Variants in INSYN2A observed in about 807,000 individuals in gnomAD.
INSYN2A encodes family with sequence similarity 196 member A.
In INSYN2A, 17 loss-of-function variants were observed where a neutral mutation model predicts 39.4. The observed-to-expected ratio is 0.43, with a 90% CI of 0.30 to 0.65. The LOEUF (loss-of-function observed/expected upper bound fraction) is 0.65, where lower values mean the gene tolerates loss of function less well. Among genes scored for constraint, INSYN2A ranks in the 30% least tolerant of loss-of-function variants. The pLI is 0.14. For synonymous variants in INSYN2A, 255 were observed against 265.7 expected (o/e 0.96, Z 0.39); for missense variants, 595 against 631.2 (o/e 0.94, Z 0.61).
At chr10:127,138,279 T>G (rs1203748310) in intron 5 of INSYN2A, among the ~76,000 whole-genome samples, 1 of 152,204 alleles carries the variant, frequency 6.6e-6, no homozygotes, top group Non-Finnish European at 1.5e-5. Flanking sequence ...AGTTGGTGTA[T>G]GTATTTGTGG....
At chr10:127,173,089 C>T (rs760266168) in intron 4 of INSYN2A, among the ~76,000 whole-genome samples, 5 of 152,246 alleles carry the variant, frequency 3.3e-5, no homozygotes, top group East Asian at 1.9e-4. Flanking sequence ...TCACATTGGA[C>T]GCCCACAAGA....
At chr10:127,146,587 T>C (rs1488818451) in intron 5 of INSYN2A, among the ~76,000 whole-genome samples, 1 of 152,170 alleles carries the variant, frequency 6.6e-6, no homozygotes, top group Non-Finnish European at 1.5e-5. Context: ...TAAGGTGTTA[T>C]CCAGGGATTC....
intron 4 of INSYN2A, among the ~76,000 whole-genome samples, chr10:127,169,065 G>A (rs931978940): frequency 1.3e-5 from 2 of 152,096 alleles, no homozygotes; most frequent in East Asian, 1.9e-4. Context: ...CTAGGTTAAC[G>A]CAAGTCACAT....
intron 1 of INSYN2A, among the ~76,000 whole-genome samples, chr10:127,194,977 GGTCCGGGCGGGA>G (rs143263543): frequency 0.15 from 22,277 of 152,124 alleles, 1,924 homozygotes; most frequent in African/African-American, 0.23. Flanking sequence ...GCAGGAGAGG[GGTCCGGGCGGGA>G]GCCCTGGGCT....
At chr10:127,154,293 C>T (rs1389465320) in intron 4 of INSYN2A, among the ~76,000 whole-genome samples, 1 of 152,212 alleles carries the variant, frequency 6.6e-6, no homozygotes, top group Non-Finnish European at 1.5e-5. Flanking sequence ...CTTATGTTTG[C>T]TCTACCCCAC....
rs2050781616 is a variant in INSYN2A at position 127,137,268 on chromosome 10, G to A, written c.*569C>T. 1 of 152,606 alleles carries A rather than the reference G, an allele frequency of 6.6e-6. No homozygotes were observed. The highest frequency in any genetic ancestry group is 2.1e-4 in the South Asian group (1 of 4,826). 9.5% of individuals were successfully genotyped at this position (152,606 alleles called of 1,614,324 possible). A position where few individuals can be genotyped will look rare whatever the true frequency, so the allele number is the denominator to read the frequency against. ...TTGGCTTAGCGCTATAGCACATGAA[G>A]GCAAATATACATATAGTCACATTTT... is the stretch of plus-strand genomic sequence containing the variant. On this transcript the variant is annotated 3_prime_UTR_variant, in exon 6 of 6. Coordinates refer to ENST00000522781, the MANE Select transcript of INSYN2A (RefSeq NM_001039762.3).
chr10:127,173,751 C>G (rs2054803673), intron 4 of INSYN2A, among the ~76,000 whole-genome samples: 1 of 152,110 alleles, frequency 6.6e-6, no homozygotes, highest in African/African-American at 2.4e-5. Context: ...CCACCCCACG[C>G]CTGATGAGTG....
rs76163415 is a variant in INSYN2A at position 127,169,022 on chromosome 10, G to C, written c.1184+6190C>G. Among the ~76,000 whole-genome samples the C allele has an allele frequency of 3.3e-3, 504 of 152,276 alleles. 3 individuals carry two copies. Among genetic ancestry groups the C allele is most frequent in the African/African-American group, 0.012 (486 of 41,564 alleles). The stretch of plus-strand genomic sequence containing the variant: ...AATATGAGGACATAAGATACAGCAA[G>C]TATATCATTTCTACCCATCTAGCAT... On this transcript the variant is annotated intron_variant, in intron 4 of 5. Transcript: ENST00000522781.
chr10:127,165,196 CCA>C (rs2053968440), intron 4 of INSYN2A, among the ~76,000 whole-genome samples: 1 of 152,142 alleles, frequency 6.6e-6, no homozygotes, highest in African/African-American at 2.4e-5. Flanking sequence ...TGGTAAATAT[CCA>C]CAGAGTCTTT....
chr10:127,193,231 A>G (rs2056874622), intron 1 of INSYN2A, among the ~76,000 whole-genome samples: 1 of 152,160 alleles, frequency 6.6e-6, no homozygotes, highest in Non-Finnish European at 1.5e-5. Context: ...TTTATGAAAG[A>G]CTGTTGAAAA....
chr10:127,176,018 G>T lies in INSYN2A; in HGVS notation c.378C>A (p.Asn126Lys), dbSNP rs367902185. The T allele has an allele frequency of 5.5e-5, 88 of 1,614,024 alleles. No individual in the cohort carries two copies. Among genetic ancestry groups the T allele is most frequent in the Non-Finnish European group, 7.1e-5 (84 of 1,180,048 alleles). ...QTFPLDRKKG[N>K]LKSLPAADPF... ...GATCTGCAGCTGGGAGGCTTTTGAG[G>T]TTCCCCTTTTTGCGGTCCAGAGGGA... The change falls in exon 4 of 6, where the codon AAC becomes AAA. Residue 126 changes from asparagine to lysine, a missense_variant. Asn to Lys is a moderately conservative substitution (Grantham distance 94, BLOSUM62 0). Coordinates refer to ENST00000522781, the MANE Select transcript of INSYN2A (RefSeq NM_001039762.3). The surrounding 1 kb of genome is among the most constrained non-coding windows in gnomAD (Gnocchi z 4.4).
At chr10:127,157,822 T>A (rs1257072576) in intron 4 of INSYN2A, among the ~76,000 whole-genome samples, 1 of 152,218 alleles carries the variant, frequency 6.6e-6, no homozygotes, top group African/African-American at 2.4e-5. Flanking sequence ...AGGAATCAGT[T>A]GTTTGGAGTC....
intron 5 of INSYN2A, among the ~76,000 whole-genome samples, chr10:127,148,896 G>A (rs967156395): frequency 1.3e-5 from 2 of 152,070 alleles, no homozygotes; most frequent in African/African-American, 2.4e-5. Flanking sequence ...CATCACAACC[G>A]AAGGGATGTC....
At chr10:127,184,243 T>C (rs900712836) in intron 2 of INSYN2A, among the ~76,000 whole-genome samples, 1 of 152,124 alleles carries the variant, frequency 6.6e-6, no homozygotes, top group Non-Finnish European at 1.5e-5. Flanking sequence ...ATCTCCAACT[T>C]AGTAGATTCT....
chr10:127,183,939 C>CT (rs1318073852), intron 2 of INSYN2A, among the ~76,000 whole-genome samples: 1 of 152,132 alleles, frequency 6.6e-6, no homozygotes, highest in Non-Finnish European at 1.5e-5. Context: ...TAAGTAGCTA[C>CT]TTTTTAAAAA....
intron 5 of INSYN2A, among the ~76,000 whole-genome samples, chr10:127,144,781 T>G (rs1341454694): frequency 6.6e-6 from 1 of 152,220 alleles, no homozygotes; most frequent in Non-Finnish European, 1.5e-5. Flanking sequence ...TAACTTTGTA[T>G]CCTTCCTTTA....
chr10:127,175,618 C>T lies in INSYN2A; in HGVS notation c.778G>A (p.Ala260Thr). ...GGCTCGGGGGCCCTGGCACTGAGGGCAGGTGCGTAAACGGTGGCAACCTCC... is the reference window on the plus strand; with the variant it reads ...GGCTCGGGGGCCCTGGCACTGAGGGTAGGTGCGTAAACGGTGGCAACCTCC... ...KTEVATVYAP[A>T]LSARAPEPGL... is the part of the protein sequence containing the mutation. Residue 260 changes from alanine to threonine, a missense_variant, in exon 4 of 6, where the codon GCC becomes ACC. Transcript: ENST00000522781. The surrounding 1 kb of genome is among the most constrained non-coding windows in gnomAD (Gnocchi z 6.3). 1 of 1,613,004 alleles carries T rather than the reference C, an allele frequency of 6.2e-7. No homozygotes were observed. The highest frequency in any genetic ancestry group is 8.5e-7 in the Non-Finnish European group (1 of 1,179,944).
At chr10:127,148,695 C>T (rs1461313621) in intron 5 of INSYN2A, among the ~76,000 whole-genome samples, 1 of 152,184 alleles carries the variant, frequency 6.6e-6, no homozygotes, top group Non-Finnish European at 1.5e-5. Context: ...GAAGAAATTT[C>T]AGCTGCTTAT....
At chr10:127,149,180 G>A (rs2052219947) in intron 5 of INSYN2A, among the ~76,000 whole-genome samples, 1 of 152,108 alleles carries the variant, frequency 6.6e-6, no homozygotes, top group African/African-American at 2.4e-5. Flanking sequence ...GCAGCTCCTG[G>A]GATTTCAGAT....
Sources: gnomAD v4.1 joint callset for allele counts (sites outside exome capture counted in the v4.1 genomes callset) on GRCh38, gnomAD v4.1.1 for gene constraint, Gnocchi (gnomAD v3.1) non-coding constraint, MANE v1.5 for transcripts, NCBI Gene and HGNC (gene_info 2026-07-23, HGNC 2026-07-21) for gene names.